SCFD1: variants seen among roughly 807,000 people sequenced by gnomAD.
SCFD1 encodes the protein sec1 family domain containing 1.
Under a neutral mutation model 103.2 loss-of-function variants are expected in SCFD1, and 37 were observed. The ratio of observed to expected loss-of-function variants is 0.36; its 90% CI spans 0.28 to 0.47. SCFD1 has a LOEUF of 0.47. Among genes scored for constraint, SCFD1 ranks in the 20% least tolerant of loss-of-function variants. The pLI, the probability that SCFD1 is intolerant of heterozygous loss-of-function variation, is 1.00. For missense variants in SCFD1, 639 were observed against 761.2 expected (o/e 0.84, Z 1.89); for synonymous variants, 264 against 245.0 (o/e 1.08, Z -0.73).
chr14:30,695,645 G>A (rs201584416), intron 15 of SCFD1, among the ~76,000 whole-genome samples: 1 of 152,122 alleles, frequency 6.6e-6, no homozygotes, highest in South Asian at 2.1e-4. Flanking sequence ...GAGGCAGGAG[G>A]ATTGCTTAAG....
chr14:30,680,286 AG>A (rs1260488183), intron 14 of SCFD1, among the ~76,000 whole-genome samples: 2 of 152,244 alleles, frequency 1.3e-5, no homozygotes, highest in African/African-American at 4.8e-5. Flanking sequence ...TGTGTTAGCC[AG>A]GGTTCCCCAG....
intron 14 of SCFD1, among the ~76,000 whole-genome samples, chr14:30,677,488 A>G (rs17097075): frequency 0.13 from 19,461 of 152,196 alleles, 1,725 homozygotes; most frequent in African/African-American, 0.25. Flanking sequence ...AAGAAGCCCA[A>G]TTAAAAATCA....
intron 10 of SCFD1, among the ~76,000 whole-genome samples, chr14:30,659,812 G>A (rs1457047243): frequency 6.6e-6 from 1 of 152,018 alleles, no homozygotes; most frequent in Non-Finnish European, 1.5e-5. Context: ...TGTCCAGTAT[G>A]GATGAGCAAA....
chr14:30,675,330 A>G (rs1888940235), intron 14 of SCFD1: 1 of 253,272 alleles, frequency 3.9e-6, no homozygotes, highest in East Asian at 7.7e-5. Flanking sequence ...CCTCAATATC[A>G]CTGCTGTACA....
In SCFD1 at chr14:30,642,891, G is replaced by A. The variant is rs149981873; in HGVS notation, c.524-425G>A. On this transcript the variant is annotated intron_variant, in intron 6 of 24. Coordinates refer to ENST00000458591, the MANE Select transcript of SCFD1 (RefSeq NM_016106.4). ...TTCATTTAAAAGAAGTTTAAAGCAG[G>A]CAGGGTGTGGTGGCTCATGCCTATA... Among the ~76,000 whole-genome samples the A allele has an allele frequency of 1.6e-4, 24 of 152,292 alleles. No individual in the cohort carries two copies. The East Asian group carries it at 4.4e-3, about 28-fold the overall frequency.
At chr14:30,695,373 T>C (rs1424812119) in intron 15 of SCFD1, among the ~76,000 whole-genome samples, 2 of 152,190 alleles carry the variant, frequency 1.3e-5, no homozygotes, top group African/African-American at 4.8e-5. Context: ...TTAGAAAATA[T>C]GATCTATGGA....
chr14:30,701,379 A>T (rs963861442), intron 16 of SCFD1, among the ~76,000 whole-genome samples: 19 of 152,224 alleles, frequency 1.2e-4, no homozygotes, highest in Non-Finnish European at 2.8e-4. Context: ...ACATGGTGAA[A>T]CCCCATCTCT....
intron 10 of SCFD1, among the ~76,000 whole-genome samples, chr14:30,656,017 G>A (rs748878235): frequency 1.3e-5 from 2 of 152,000 alleles, no homozygotes; most frequent in Non-Finnish European, 2.9e-5. Context: ...AGGCTTAGGT[G>A]GGAGGATCAG....
chr14:30,682,183 A>T (rs1889539386), intron 14 of SCFD1, among the ~76,000 whole-genome samples: 1 of 152,202 alleles, frequency 6.6e-6, no homozygotes, highest in Non-Finnish European at 1.5e-5. Flanking sequence ...GAAATAACCA[A>T]CTAGTAAGAT....
At chr14:30,637,766 C>G (rs1884877799) in intron 4 of SCFD1, among the ~76,000 whole-genome samples, 2 of 152,082 alleles carry the variant, frequency 1.3e-5, no homozygotes, top group South Asian at 4.1e-4. Flanking sequence ...CATCACATGT[C>G]CAGAACAGTT....
rs1275988198 is a variant in SCFD1 at position 30,705,871 on chromosome 14, C to T, written c.1539C>T (p.Thr513=). ...ASAPASYGST[T]TKPMGLLSRV... is the part of the protein sequence containing the mutation. ...CTCCGGCCAGCTATGGCAGCACTAC[C>T]ACTAAACCAATGGGGTAAGTATTTT... The change falls in exon 18 of 25, where the codon ACC becomes ACT. Residue 513 remains threonine, a synonymous_variant. Transcript: ENST00000458591. 6.2e-7 allele frequency: 1 copy of T among 1,613,134 alleles called. No individual in the cohort carries two copies. The highest frequency in any genetic ancestry group is 8.5e-7 in the Non-Finnish European group (1 of 1,179,224).
At chr14:30,629,475 T>C (rs1883868093) in intron 2 of SCFD1, among the ~76,000 whole-genome samples, 2 of 152,162 alleles carry the variant, frequency 1.3e-5, no homozygotes, top group Non-Finnish European at 1.5e-5. Context: ...AAAGCCCATT[T>C]GGAGTTCTTA....
At chr14:30,643,990 GT>G (rs767388977) in intron 7 of SCFD1, 62 of 456,430 alleles carry the variant, frequency 1.4e-4, no homozygotes, top group African/African-American at 4.0e-5. Flanking sequence ...CTGATAGGGA[GT>G]TTTTTGACCC....
At chr14:30,680,987 C>T (rs7144286) in intron 14 of SCFD1, among the ~76,000 whole-genome samples, 5,588 of 152,220 alleles carry the variant, frequency 0.037, 334 homozygotes, top group African/African-American at 0.12. Context: ...CATCCCAGCA[C>T]TTTGGGAGGC....
chr14:30,697,786 T>G (rs993136333), intron 15 of SCFD1, among the ~76,000 whole-genome samples: 1 of 152,172 alleles, frequency 6.6e-6, no homozygotes, highest in Non-Finnish European at 1.5e-5. Context: ...CCTATAGTCT[T>G]AAAAAGTAAC....
Position 30,694,806 on chromosome 14 carries a change from G to C in SCFD1, c.1276G>C (p.Glu426Gln). 6.3e-7 allele frequency: 1 copy of C among 1,582,884 alleles called. No homozygotes were observed. The highest frequency in any genetic ancestry group is 8.5e-7 in the Non-Finnish European group (1 of 1,170,644). Residue 426 changes from glutamate (E) to glutamine (Q), a missense_variant, in exon 15 of 25, where the codon GAA becomes CAA. Coordinates refer to ENST00000458591, the MANE Select transcript of SCFD1 (RefSeq NM_016106.4). The part of the protein sequence containing the change: ...RKLDVYFEYE[E>Q]KIMSKTTLDK... ...ATTGGATGTATATTTTGAATATGAA[G>C]AAAAAATAATGAGCAAAACTACTCT...
At chr14:30,664,992 A>C (rs1012364627) in intron 10 of SCFD1, among the ~76,000 whole-genome samples, 15 of 152,244 alleles carry the variant, frequency 9.9e-5, no homozygotes, top group African/African-American at 3.4e-4. Flanking sequence ...ATCCAGGAGA[A>C]CTTCCCCAAC....
At chr14:30,653,430 T>C in intron 9 of SCFD1, 59 bp from the exon 10 acceptor site, 1 of 1,031,324 alleles carries the variant, frequency 9.7e-7, no homozygotes. Flanking sequence ...TAGTAGAATA[T>C]TTTAGATGTA....
intron 10 of SCFD1, among the ~76,000 whole-genome samples, chr14:30,665,187 G>A (rs1887826985): frequency 6.6e-6 from 1 of 152,222 alleles, no homozygotes; most frequent in Non-Finnish European, 1.5e-5. Flanking sequence ...GACTAACAGT[G>A]GATCTCTCAG....
Sources: gnomAD v4.1 joint callset for allele counts (sites outside exome capture counted in the v4.1 genomes callset) on GRCh38, gnomAD v4.1.1 for gene constraint, MANE v1.5 for transcripts, NCBI Gene and HGNC (gene_info 2026-07-23, HGNC 2026-07-21) for gene names.